PRKX: variants seen among roughly 807,000 people sequenced by gnomAD.
PRKX encodes the protein protein kinase cAMP-dependent X-linked catalytic subunit, also known as cAMP-dependent protein kinase catalytic subunit PRKX.
A neutral mutation model predicts 22.0 loss-of-function variants in PRKX; 12 were observed. The ratio of observed to expected loss-of-function variants is 0.54; its 90% CI spans 0.35 to 0.88. The LOEUF (loss-of-function observed/expected upper bound fraction) is 0.88. Among genes scored for constraint, PRKX ranks in the 40% least tolerant of loss-of-function variants. The pLI is 0.01. For synonymous variants in PRKX, 134 were observed against 137.7 expected, an observed-to-expected ratio of 0.97 and a Z score of 0.19; for missense variants, 217 against 308.0, an observed-to-expected ratio of 0.70 and a Z score of 2.21.
chrX:3,657,987 G>A (rs766463204), intron 2 of PRKX, among the ~76,000 whole-genome samples: 24 of 111,557 alleles, frequency 2.2e-4, no homozygotes, highest in Non-Finnish European at 3.8e-4. Context: ...TAAGGGCTTT[G>A]GGATTTTTGT....
intron 1 of PRKX, among the ~76,000 whole-genome samples, chrX:3,710,952 A>G (rs1394608380): frequency 1.8e-5 from 2 of 111,945 alleles, no homozygotes; most frequent in African/African-American, 6.5e-5. Context: ...CTTGGAAAAC[A>G]GTCCAAAGCT....
intron 1 of PRKX, among the ~76,000 whole-genome samples, chrX:3,693,283 G>C (rs964216926): frequency 9.0e-6 from 1 of 111,638 alleles, no homozygotes; most frequent in African/African-American, 3.3e-5. Flanking sequence ...GTCAGGGAAG[G>C]CCTCTTTAAG....
intron 1 of PRKX, among the ~76,000 whole-genome samples, chrX:3,678,496 C>G (rs917731648): frequency 1.8e-5 from 2 of 112,031 alleles, no homozygotes; most frequent in Non-Finnish European, 3.8e-5. Context: ...ATTTTTTACA[C>G]TTCTGTGACT....
chrX:3,632,030 T>C (rs6641808), intron 4 of PRKX, among the ~76,000 whole-genome samples: 51,602 of 110,544 alleles, frequency 0.47, 8,951 homozygotes, highest in East Asian at 0.66. Flanking sequence ...AGGAGAAATA[T>C]GAAGTACAAA....
intron 1 of PRKX, among the ~76,000 whole-genome samples, chrX:3,678,203 C>G (rs1423328224): frequency 8.9e-6 from 1 of 112,211 alleles, no homozygotes; most frequent in Non-Finnish European, 1.9e-5. Flanking sequence ...ACCTTTTAGT[C>G]TCCTGTTGCT....
In PRKX at chrX:3,606,114, T is replaced by C. The variant is rs1310974327; in HGVS notation, c.*2855A>G. The stretch of plus-strand genomic sequence containing the variant: ...ATCCATGTCCTATTCTCTTAGAGTA[T>C]TCCAATTTAAGAAAATATTGCCAAC... On this transcript the variant is annotated 3_prime_UTR_variant, in exon 9 of 9. Transcript: ENST00000262848. The C allele has an allele frequency of 8.9e-6, 1 of 112,565 alleles. No homozygotes were observed. Among genetic ancestry groups the C allele is most frequent in the African/African-American group, 3.2e-5 (1 of 30,969 alleles). 9.3% of individuals were successfully genotyped at this position (112,565 alleles called of 1,213,427 possible).
chrX:3,665,147 C>T (rs1243071338), intron 2 of PRKX, among the ~76,000 whole-genome samples: 2 of 111,118 alleles, frequency 1.8e-5, no homozygotes, highest in African/African-American at 3.3e-5. Flanking sequence ...TGCACGTGCA[C>T]GTGTGTGTGC....
chrX:3,607,078 CATGGATTT>C lies in PRKX; in HGVS notation c.*1883_*1890del, dbSNP rs1926190825. The C allele has an allele frequency of 8.9e-6, 1 of 111,844 alleles. No individual in the cohort carries two copies. The highest frequency in any genetic ancestry group is 3.2e-5 in the African/African-American group (1 of 30,787). The allele number at this position is 111,844 out of a possible 1,213,427, so 9.2% of individuals were successfully genotyped here. On this transcript the variant is annotated 3_prime_UTR_variant, in exon 9 of 9. Coordinates refer to ENST00000262848, the MANE Select transcript of PRKX (RefSeq NM_005044.5). ...CAACCTAAAAATAGGCATATGGACT[CATGGATTT>C]ATGTACTTTTTAAAGTGTGCTCAAG...
At chrX:3,681,910 T>C (rs1373498833) in intron 1 of PRKX, among the ~76,000 whole-genome samples, 1 of 110,458 alleles carries the variant, frequency 9.1e-6, no homozygotes, top group Non-Finnish European at 1.9e-5. Flanking sequence ...ATCATCACGA[T>C]GCCCATTCAT....
At position 3,669,316 on chromosome X, in the gene PRKX, CTCCATCCATCCATCCA is replaced by C. The variant is rs55930956; in HGVS notation, c.335+5266_335+5281del. On this transcript the variant is annotated intron_variant, in intron 2 of 8. Transcript: ENST00000262848. ...ATCAAATATCTGTCTCAATGTTGAT[CTCCATCCATCCATCCA>C]TCCATCCATCCATCCATCCATCCAT... Among the ~76,000 whole-genome samples the C allele has an allele frequency of 6.6e-3, 678 of 102,687 alleles. 8 individuals are homozygous for C. The highest frequency in any genetic ancestry group is 0.022 in the African/African-American group (625 of 27,972). The allele number at this position is 102,687 out of a possible 115,157, so 89.2% of individuals were successfully genotyped here.
chrX:3,623,031 C>G (rs1926588346), intron 5 of PRKX, among the ~76,000 whole-genome samples: 1 of 110,549 alleles, frequency 9.0e-6, no homozygotes, highest in Non-Finnish European at 1.9e-5. Context: ...TCTTATAATC[C>G]CAGTCCAATC....
intron 1 of PRKX, among the ~76,000 whole-genome samples, chrX:3,700,922 C>G (rs1205189781): frequency 8.9e-6 from 1 of 111,775 alleles, no homozygotes; most frequent in African/African-American, 3.3e-5. Context: ...ATGAAGTTGA[C>G]AAGACACAAT....
At chrX:3,665,088 G>A (rs759929842) in intron 2 of PRKX, among the ~76,000 whole-genome samples, 8 of 112,047 alleles carry the variant, frequency 7.1e-5, no homozygotes, top group Admixed American at 5.6e-4. Context: ...TGCACGGGGC[G>A]CGCGCGTGTG....
chrX:3,666,898 A>G (rs1214000892), intron 2 of PRKX, among the ~76,000 whole-genome samples: 1 of 80,085 alleles, frequency 1.2e-5, no homozygotes, highest in Non-Finnish European at 2.4e-5. Context: ...ACAGAGCAAG[A>G]CCTCATTTCT....
chrX:3,619,415 C>T (rs935989657), intron 6 of PRKX, among the ~76,000 whole-genome samples: 2 of 111,664 alleles, frequency 1.8e-5, no homozygotes, highest in African/African-American at 6.5e-5. Context: ...GTCCTGACTC[C>T]CAGTACCTGG....
chrX:3,623,972 G>A (rs1035636583), intron 5 of PRKX, among the ~76,000 whole-genome samples: 7 of 112,032 alleles, frequency 6.2e-5, no homozygotes, highest in Admixed American at 2.9e-4. Flanking sequence ...CTGGTCAAAT[G>A]ATAAAAGTTG....
intron 1 of PRKX, among the ~76,000 whole-genome samples, chrX:3,708,072 C>T (rs1259428547): frequency 1.8e-5 from 2 of 111,724 alleles, no homozygotes; most frequent in Non-Finnish European, 3.8e-5. Flanking sequence ...AAATCCTCAC[C>T]TGCAAGGTAA....
chrX:3,673,130 C>T (rs1447185395), intron 2 of PRKX, among the ~76,000 whole-genome samples: 1 of 111,625 alleles, frequency 9.0e-6, no homozygotes, highest in Non-Finnish European at 1.9e-5. Context: ...CCAGTACACA[C>T]GAGGTGCTTC....
chrX:3,679,051 G>A (rs1459186769), intron 1 of PRKX, among the ~76,000 whole-genome samples: 5 of 111,700 alleles, frequency 4.5e-5, no homozygotes, highest in Non-Finnish European at 1.9e-5. Context: ...GAAATCAGAT[G>A]TGGAGTTTAT....
Sources: gnomAD v4.1 joint callset for allele counts (sites outside exome capture counted in the v4.1 genomes callset) on GRCh38, gnomAD v4.1.1 for gene constraint, MANE v1.5 for transcripts, NCBI Gene and HGNC (gene_info 2026-07-23, HGNC 2026-07-21) for gene names.